NECTIN1: variants seen among roughly 807,000 people sequenced by gnomAD.
NECTIN1 encodes nectin-1.
Under a neutral mutation model 48.0 loss-of-function variants are expected in NECTIN1, and 23 were observed. That is an observed-to-expected ratio of 0.48 (90% CI 0.34 to 0.68). The LOEUF is 0.68. NECTIN1 is among the 30% of genes least tolerant of loss of function. The pLI is 0.01. For missense variants in NECTIN1, 591 were observed against 709.9 expected (o/e 0.83, Z 1.90); for synonymous variants, 270 against 288.9 (o/e 0.93, Z 0.66).
rs1865624089 is a variant in NECTIN1, at chr11:119,710,442, AT to A, written c.79+18032del. On this transcript the variant is annotated intron_variant, in intron 1 of 5. Coordinates refer to ENST00000264025, the MANE Select transcript of NECTIN1 (RefSeq NM_002855.5). ...AACACACACACACACACAGCCCTGC[AT>A]GCGTGTGTATGCATGTGAAGGATAT... 8.0e-4 allele frequency among the ~76,000 whole-genome samples: 122 copies of A among 152,166 alleles called. 1 individual carries two copies. Among genetic ancestry groups the A allele is most frequent in the Admixed American group, 8.0e-3 (122 of 15,302 alleles).
Position 119,673,095 on chromosome 11 carries a change from G to C in NECTIN1, c.1003+2064C>G, listed in dbSNP as rs1214744418. ...ATTCCCTCTGGACCAGTGGGGCTTA[G>C]AGCAAGGGCATGGCTGTGCCCTGCG... On this transcript the variant is annotated intron_variant, in intron 5 of 5. Transcript: ENST00000264025. The surrounding 1 kb of genome is among the most constrained non-coding windows in gnomAD (Gnocchi z 5.8). 2.0e-5 allele frequency among the ~76,000 whole-genome samples: 3 copies of C among 152,234 alleles called. No individual in the cohort carries two copies. The highest frequency in any genetic ancestry group is 7.2e-5 in the African/African-American group (3 of 41,456).
chr11:119,675,427 G>A (rs1282285924), intron 4 of NECTIN1, 117 bp from the exon 5 acceptor site: 4 of 983,478 alleles, frequency 4.1e-6, no homozygotes, highest in African/African-American at 3.2e-5. Flanking sequence ...GTGTGGTAGA[G>A]TCTGTCTTTG....
At chr11:119,639,941 T>G in exon 6 of NECTIN1, 5 of 1,614,118 alleles carry the variant, frequency 3.1e-6, no homozygotes, top group Non-Finnish European at 4.2e-6. Context: ...GCAACTAGGA[T>G]GAGGAACACG....
chr11:119,685,629 C>T (rs1865142469), intron 1 of NECTIN1, among the ~76,000 whole-genome samples: 1 of 152,186 alleles, frequency 6.6e-6, no homozygotes, highest in Admixed American at 6.5e-5. Flanking sequence ...TGCTGGCTGC[C>T]CCATCCACAT....
chr11:119,648,357 GAT>G (rs1864439630), intron 5 of NECTIN1, among the ~76,000 whole-genome samples: 1 of 68,484 alleles, frequency 1.5e-5, no homozygotes, highest in Non-Finnish European at 3.1e-5. Flanking sequence ...TGGTGGTGGT[GAT>G]GCTGGTGATG....
At chr11:119,651,240 C>T (rs1864485695) in intron 5 of NECTIN1, among the ~76,000 whole-genome samples, 1 of 152,160 alleles carries the variant, frequency 6.6e-6, no homozygotes, top group Non-Finnish European at 1.5e-5. Flanking sequence ...CTGTCCTTAT[C>T]CCAGAGCCTG....
chr11:119,642,868 T>G (rs1366026157), intron 5 of NECTIN1: 1 of 153,688 alleles, frequency 6.5e-6, no homozygotes, highest in Non-Finnish European at 1.5e-5. Context: ...GAAAAAGGTG[T>G]ACATGTTCAG....
chr11:119,660,894 T>A (rs955409030), downstream of NECTIN1: 2 of 617,540 alleles, frequency 3.2e-6, no homozygotes, highest in African/African-American at 4.0e-5. Context: ...GGGTGGGGGG[T>A]CCCTTCCCCT....
chr11:119,642,954 C>A (rs1591435524), intron 5 of NECTIN1: 1 of 153,756 alleles, frequency 6.5e-6, no homozygotes, highest in South Asian at 2.1e-4. Flanking sequence ...GGATGCAGAA[C>A]CCATGGATGG....
chr11:119,679,079 C>T (rs1865014688), intron 1 of NECTIN1, among the ~76,000 whole-genome samples: 1 of 152,132 alleles, frequency 6.6e-6, no homozygotes, highest in African/African-American at 2.4e-5. Context: ...CATATTATCC[C>T]ATAAGCTGCT....
intron 1 of NECTIN1, among the ~76,000 whole-genome samples, chr11:119,691,043 A>AC (rs11371733): frequency 1 from 152,318 of 152,318 alleles, 76,159 homozygotes; most frequent in Non-Finnish European, 1. Context: ...TTCTCAGGAC[A>AC]CAGCCTGAGC....
chr11:119,638,167 A>G, exon 8 of NECTIN1: 3 of 1,613,918 alleles, frequency 1.9e-6, no homozygotes, highest in Admixed American at 1.7e-5. Context: ...CCCCCAGATC[A>G]TAGTAGGGGG....
chr11:119,657,920 CAA>C (rs61352311), downstream of NECTIN1, among the ~76,000 whole-genome samples: 42 of 78,238 alleles, frequency 5.4e-4, 1 homozygote, highest in South Asian at 0.015. Flanking sequence ...GACCCCGTCT[CAA>C]AAAAAAAAAA....
downstream of NECTIN1, among the ~76,000 whole-genome samples, chr11:119,656,123 C>T (rs562471558): frequency 2.0e-5 from 3 of 151,862 alleles, no homozygotes; most frequent in South Asian, 6.3e-4. Flanking sequence ...TTCAAACTCC[C>T]GGTCTCAAGC....
At position 119,692,251 on chromosome 11, in the gene NECTIN1, C is replaced by CGGAGGAACCAGCACGTA. The variant is rs539362020; in HGVS notation, c.80-13503_80-13487dup. 1.9e-3 allele frequency among the ~76,000 whole-genome samples: 286 copies of CGGAGGAACCAGCACGTA among 152,344 alleles called. 2 individuals are homozygous for CGGAGGAACCAGCACGTA. Among genetic ancestry groups the CGGAGGAACCAGCACGTA allele is most frequent in the African/African-American group, 6.4e-3 (267 of 41,560 alleles). ...AGGGCCTGCTCCGCACACTGCCTCA[C>CGGAGGAACCAGCACGTA]GGAGGAACCAGCACGTAGGCTCGGG... On this transcript the variant is annotated intron_variant, in intron 1 of 5. Coordinates refer to ENST00000264025, the MANE Select transcript of NECTIN1 (RefSeq NM_002855.5).
At chr11:119,706,873 G>A (rs1180263702) in intron 1 of NECTIN1, among the ~76,000 whole-genome samples, 1 of 152,204 alleles carries the variant, frequency 6.6e-6, no homozygotes, top group Non-Finnish European at 1.5e-5. Flanking sequence ...TGTCCTCAGT[G>A]GGTCAGTATT....
rs1017507212 is a variant in NECTIN1, at chr11:119,716,642, A to G, written c.79+11833T>C. Among the ~76,000 whole-genome samples, 4 of 152,244 alleles carry G rather than the reference A, an allele frequency of 2.6e-5. No individual in the cohort carries two copies. In the East Asian group the frequency reaches 7.7e-4, roughly 29 times the overall value. ...CCTGTAGACAAAACAATGATCTAAG[A>G]CTGACCTTCGCCGGTTCTCTAACTG... On this transcript the variant is annotated intron_variant, in intron 1 of 5. Coordinates refer to ENST00000264025, the MANE Select transcript of NECTIN1 (RefSeq NM_002855.5).
chr11:119,690,878 G>A (rs567294546), intron 1 of NECTIN1, among the ~76,000 whole-genome samples: 29 of 152,038 alleles, frequency 1.9e-4, no homozygotes, highest in East Asian at 1.9e-4. Flanking sequence ...TTTTCACGCC[G>A]CCCCCCACCT....
intron 1 of NECTIN1, among the ~76,000 whole-genome samples, chr11:119,689,865 A>G (rs1388094220): frequency 6.6e-6 from 1 of 152,252 alleles, no homozygotes; most frequent in Non-Finnish European, 1.5e-5. Context: ...GCCCCAGAGC[A>G]ATCTCTTCCC....
Sources: gnomAD v4.1 joint callset for allele counts (sites outside exome capture counted in the v4.1 genomes callset) on GRCh38, gnomAD v4.1.1 for gene constraint, Gnocchi (gnomAD v3.1) non-coding constraint, MANE v1.5 for transcripts, NCBI Gene and HGNC (gene_info 2026-07-23, HGNC 2026-07-21) for gene names.